The following CSMD3 variants were observed in gnomAD, a reference collection of about 807,000 sequenced individuals.
The protein encoded by CSMD3 is CUB and sushi domain-containing protein 3.
CSMD3 carries 177 observed loss-of-function variants against 435.2 expected under a neutral mutation model. The observed-to-expected ratio is 0.41, with a 90% CI of 0.36 to 0.46. The LOEUF is 0.46. Ranked by LOEUF, CSMD3 falls within the 20% of genes least tolerant of loss-of-function variation. CSMD3 has a pLI of 0.34. For missense variants in CSMD3, 4,265 were observed against 4,504.6 expected (o/e 0.95, Z 1.52); for synonymous variants, 1,656 against 1,520.5 (o/e 1.09, Z -2.07).
At chr8:112,743,457 C>T (rs1486228127) in intron 13 of CSMD3, among the ~76,000 whole-genome samples, 2 of 151,706 alleles carry the variant, frequency 1.3e-5, no homozygotes, top group African/African-American at 2.4e-5. Context: ...CTAAATAACG[C>T]TATGGATTAA....
chr8:113,032,672 G>A (rs2131247869), intron 5 of CSMD3, among the ~76,000 whole-genome samples: 1 of 151,726 alleles, frequency 6.6e-6, no homozygotes, highest in East Asian at 1.9e-4. Context: ...GGTAGAAAAG[G>A]AAAACACATA....
intron 1 of CSMD3, among the ~76,000 whole-genome samples, chr8:113,371,812 A>C (rs1234036595): frequency 6.6e-6 from 1 of 152,214 alleles, no homozygotes; most frequent in East Asian, 1.9e-4. Flanking sequence ...ACTGTGAAAT[A>C]GGCTCTGTGA....
At chr8:113,217,838 A>G (rs1332041368) in intron 3 of CSMD3, among the ~76,000 whole-genome samples, 1 of 151,396 alleles carries the variant, frequency 6.6e-6, no homozygotes, top group African/African-American at 2.4e-5. Context: ...TGTTTAAAAT[A>G]ATCAATCTAC....
intron 1 of CSMD3, among the ~76,000 whole-genome samples, chr8:113,430,085 G>A (rs535969906): frequency 2.0e-5 from 3 of 152,126 alleles, no homozygotes; most frequent in Non-Finnish European, 4.4e-5. Context: ...AGCACCAGAA[G>A]TGAATGTGTA....
intron 13 of CSMD3, among the ~76,000 whole-genome samples, chr8:112,693,583 C>A (rs1261428341): frequency 6.6e-6 from 1 of 151,934 alleles, no homozygotes; most frequent in Non-Finnish European, 1.5e-5. Flanking sequence ...CTTTTAAGAG[C>A]TAGGATTCCT....
At chr8:112,954,185 C>G (rs1357145040) in intron 8 of CSMD3, among the ~76,000 whole-genome samples, 1 of 151,436 alleles carries the variant, frequency 6.6e-6, no homozygotes, top group African/African-American at 2.4e-5. Flanking sequence ...AATAATTAAT[C>G]AATCATTTTA....
chr8:112,917,311 G>A (rs771257485), intron 10 of CSMD3, among the ~76,000 whole-genome samples: 3 of 151,910 alleles, frequency 2.0e-5, no homozygotes, highest in Non-Finnish European at 4.4e-5. Context: ...GGCAAAGACA[G>A]TAATTGTAAA....
At chr8:113,333,475 A>G (rs563268311) in intron 1 of CSMD3, among the ~76,000 whole-genome samples, 1 of 151,990 alleles carries the variant, frequency 6.6e-6, no homozygotes, top group East Asian at 1.9e-4. Context: ...TTAGGTCAAC[A>G]TTAATTTTGC....
At chr8:112,525,751 CATATAT>C (rs553559009) in intron 27 of CSMD3, among the ~76,000 whole-genome samples, 1 of 119,482 alleles carries the variant, frequency 8.4e-6, no homozygotes, top group African/African-American at 3.1e-5. Flanking sequence ...CATATATATA[CATATAT>C]ATATATATAT....
chr8:112,876,248 G>A (rs536735232), intron 10 of CSMD3, among the ~76,000 whole-genome samples: 4 of 152,174 alleles, frequency 2.6e-5, no homozygotes, highest in Admixed American at 6.5e-5. Context: ...TCTATCAGAG[G>A]TACAAAGAGG....
chr8:112,348,360 C>G (rs1186183613), intron 40 of CSMD3, among the ~76,000 whole-genome samples: 2 of 152,176 alleles, frequency 1.3e-5, no homozygotes, highest in East Asian at 3.9e-4. Flanking sequence ...TATCTAAAAT[C>G]TCACATAAAT....
At chr8:112,550,046 TA>T (rs1827541856) in intron 27 of CSMD3, among the ~76,000 whole-genome samples, 1 of 152,030 alleles carries the variant, frequency 6.6e-6, no homozygotes, top group African/African-American at 2.4e-5. Context: ...ATCCATCAAC[TA>T]AACTAAAATT....
intron 13 of CSMD3, among the ~76,000 whole-genome samples, chr8:112,700,296 G>GT (rs1355868098): frequency 6.6e-6 from 1 of 151,790 alleles, no homozygotes; most frequent in African/African-American, 2.4e-5. Flanking sequence ...AGGTCAGAAG[G>GT]TTGAGAGCAG....
intron 4 of CSMD3, among the ~76,000 whole-genome samples, chr8:113,139,845 C>T (rs2091505358): frequency 6.6e-6 from 1 of 150,976 alleles, no homozygotes; most frequent in Non-Finnish European, 1.5e-5. Context: ...GCCATATTAA[C>T]AGCAAAATAA....
At chr8:112,617,541 TAA>T (rs1161136411) in intron 22 of CSMD3, among the ~76,000 whole-genome samples, 2 of 152,288 alleles carry the variant, frequency 1.3e-5, no homozygotes, top group South Asian at 4.1e-4. Flanking sequence ...TCTCATTGAA[TAA>T]AAAGTCTCCT....
At chr8:113,103,593 T>C (rs929381259) in intron 4 of CSMD3, among the ~76,000 whole-genome samples, 2 of 152,126 alleles carry the variant, frequency 1.3e-5, no homozygotes, top group Non-Finnish European at 2.9e-5. Flanking sequence ...AATTCCCTCG[T>C]AAGTTCTTAG....
chr8:112,508,650 TA>T (rs1423050184), intron 28 of CSMD3, among the ~76,000 whole-genome samples: 1 of 152,020 alleles, frequency 6.6e-6, no homozygotes, highest in African/African-American at 2.4e-5. Context: ...TAGCCTTCTC[TA>T]AAAAAAGAAA....
At chr8:113,315,648 TAA>T (rs1220446566) in intron 1 of CSMD3, among the ~76,000 whole-genome samples, 3 of 148,210 alleles carry the variant, frequency 2.0e-5, no homozygotes, top group Non-Finnish European at 4.5e-5. Context: ...AAATGTATAT[TAA>T]ATATATATAT....
intron 10 of CSMD3, among the ~76,000 whole-genome samples, chr8:112,900,728 A>G (rs971604165): frequency 6.6e-6 from 1 of 151,246 alleles, no homozygotes; most frequent in Non-Finnish European, 1.5e-5. Context: ...AAAGCTCTTT[A>G]AAAGAAGAAG....
Sources: gnomAD v4.1 joint callset for allele counts (sites outside exome capture counted in the v4.1 genomes callset) on GRCh38, gnomAD v4.1.1 for gene constraint, MANE v1.5 for transcripts, NCBI Gene and HGNC (gene_info 2026-07-23, HGNC 2026-07-21) for gene names.